TRIM65: variants seen among roughly 807,000 people sequenced by gnomAD.
TRIM65 encodes the protein E3 ubiquitin-protein ligase TRIM65.
In TRIM65, 46 loss-of-function variants were observed where a neutral mutation model predicts 36.1. That is an observed-to-expected ratio of 1.27 (90% confidence interval 1.01 to 1.63). The LOEUF is 1.63. Ranked by LOEUF, TRIM65 falls within the 40% of genes most tolerant of loss-of-function variation. The probability of loss-of-function intolerance (pLI) is 0.00; values close to 1 mark genes in which losing one functional copy is unlikely to be tolerated. For synonymous variants in TRIM65, 346 were observed against 313.6 expected (o/e 1.10, Z -1.09); for missense variants, 708 against 696.6 (o/e 1.02, Z -0.18).
In TRIM65 at chr17:75,892,868, G is replaced by A. The variant is rs569454813; in HGVS notation, c.415-18C>T. On this transcript the variant is annotated intron_variant, in intron 1 of 5. Coordinates refer to ENST00000269383, the MANE Select transcript of TRIM65 (RefSeq NM_173547.4). ...AGCTGGGCCTGTGGTGCGGGCCCACGGGACAAGCAACAAGAGAAGGCCAGG... is the reference window on the plus strand; with the variant it reads ...AGCTGGGCCTGTGGTGCGGGCCCACAGGACAAGCAACAAGAGAAGGCCAGG... 2.7e-5 allele frequency: 43 copies of A among 1,596,696 alleles called. No individual in the cohort carries two copies. The highest frequency in any genetic ancestry group is 8.9e-5 in the East Asian group (4 of 44,856).
chr17:75,890,798 TG>T lies in TRIM65; in HGVS notation c.1534del (p.Gln512ArgfsTer43). 6.7e-7 allele frequency: 1 copy of T among 1,491,468 alleles called. No individual in the cohort carries two copies. Among genetic ancestry groups the T allele is most frequent in the Non-Finnish European group, 8.9e-7 (1 of 1,121,914 alleles). 92.4% of individuals were successfully genotyped at this position (1,491,468 alleles called of 1,614,324 possible). A position where few individuals can be genotyped will look rare whatever the true frequency, so the allele number is the denominator to read the frequency against. On this transcript the variant is annotated frameshift_variant, in exon 6 of 6. Coordinates refer to ENST00000269383, the MANE Select transcript of TRIM65 (RefSeq NM_173547.4). LOFTEE classifies it high-confidence loss of function. ...CCTTCTTCAGCTGAGCACCTCTTCC[TG>T]GGGCCCCAGAGGGAACACAGCCCCT... ...QPGAVFPLGPQEEVLS is the reference protein window; with the variant it reads ...QPGAVFPLGPXEEVLS
chr17:75,887,356 C>T (rs2065215812), downstream of TRIM65, among the ~76,000 whole-genome samples: 1 of 151,088 alleles, frequency 6.6e-6, no homozygotes, highest in African/African-American at 2.4e-5. Context: ...TGGTGGTGGG[C>T]GCCTATAATC....
Position 75,890,699 on chromosome 17 carries a change from A to G in TRIM65, c.*80T>C, listed in dbSNP as rs1189252155. ...CAGAGAGGCCAACAGCTGGTCCTCC[A>G]GTCCCCAAGCTGAAGCTGGGCAGCT... is the stretch of plus-strand genomic sequence containing the variant. On this transcript the variant is annotated 3_prime_UTR_variant, in exon 6 of 6. Transcript: ENST00000269383. The G allele has an allele frequency of 3.3e-5, 42 of 1,258,464 alleles. No homozygotes were observed. In the East Asian group the frequency reaches 1.1e-3, roughly 33 times the overall value. 78.0% of individuals were successfully genotyped at this position (1,258,464 alleles called of 1,614,324 possible). A position where few individuals can be genotyped will look rare whatever the true frequency, so the allele number is the denominator to read the frequency against.
rs1379514359 is a variant in TRIM65 at position 75,894,134 on chromosome 17, C to T, written c.415-1284G>A. ...CTTCTCTGACCACTGCCTTCGTGCC[C>T]TCTCCTGTTCCAGCCACCTCTGTCT... On this transcript the variant is annotated intron_variant, in intron 1 of 5. Coordinates refer to ENST00000269383, the MANE Select transcript of TRIM65 (RefSeq NM_173547.4). Among the ~76,000 whole-genome samples, 3 of 152,138 alleles carry T rather than the reference C, an allele frequency of 2.0e-5. No individual in the cohort carries two copies. In the South Asian group the frequency reaches 6.2e-4, roughly 32 times the overall value.
chr17:75,894,643 C>T (rs2065320042), intron 1 of TRIM65, among the ~76,000 whole-genome samples: 1 of 152,252 alleles, frequency 6.6e-6, no homozygotes, highest in Admixed American at 6.5e-5. Context: ...CATTCTCCAG[C>T]CTCAGCCACC....
intron 4 of TRIM65, 57 bp downstream of exon 4, chr17:75,891,954 C>CA: frequency 6.4e-7 from 1 of 1,560,896 alleles, no homozygotes; most frequent in Non-Finnish European, 8.7e-7. Context: ...TCCACCCCCC[C>CA]AGCGGGAGGG....
intron 4 of TRIM65, among the ~76,000 whole-genome samples, chr17:75,882,993 C>A (rs61330475): frequency 0.18 from 26,415 of 146,864 alleles, 4,208 homozygotes; most frequent in African/African-American, 0.38. Context: ...AAAAAAAAAA[C>A]AAAAACAAAA....
rs1555610887 is a variant in TRIM65, at chr17:75,896,675, C to CCGGGGACGGGAT, written c.262_263insATCCCGTCCCCG (p.Pro87_Gly88insAspProValPro). On this transcript the variant is annotated inframe_insertion, in exon 1 of 6. Coordinates refer to ENST00000269383, the MANE Select transcript of TRIM65 (RefSeq NM_173547.4). The stretch of plus-strand genomic sequence containing the variant: ...GGGGCAGCGCGCGGCAGGGTCGGGG[C>CCGGGGACGGGAT]CGGGGCCGGGATCGGGGCCGGGATC... The CCGGGGACGGGAT allele has an allele frequency of 7.8e-7, 1 of 1,288,798 alleles. No individual in the cohort carries two copies. The highest frequency in any genetic ancestry group is 1.6e-5 in the African/African-American group (1 of 64,382). 79.8% of individuals were successfully genotyped at this position (1,288,798 alleles called of 1,614,324 possible). A position where few individuals can be genotyped will look rare whatever the true frequency, so the allele number is the denominator to read the frequency against.
downstream of TRIM65, among the ~76,000 whole-genome samples, chr17:75,887,194 A>G (rs936447702): frequency 6.0e-5 from 9 of 149,238 alleles, no homozygotes; most frequent in Admixed American, 5.4e-4. Flanking sequence ...AAGCAAAAAG[A>G]AAAAAAAAGC....
At chr17:75,891,591 G>A (rs1448411760) in intron 5 of TRIM65, among the ~76,000 whole-genome samples, 1 of 152,202 alleles carries the variant, frequency 6.6e-6, no homozygotes, top group African/African-American at 2.4e-5. Context: ...CCCAGACTCT[G>A]TCCTTCAACG....
At chr17:75,881,851 G>C (rs2065171361) in intron 4 of TRIM65, among the ~76,000 whole-genome samples, 1 of 150,588 alleles carries the variant, frequency 6.6e-6, no homozygotes, top group African/African-American at 2.5e-5. Flanking sequence ...AGCAGAGGGA[G>C]CCGGCCTGGG....
Position 75,890,873 on chromosome 17 carries a change from G to T in TRIM65, c.1460C>A (p.Pro487His). 6.5e-7 allele frequency: 1 copy of T among 1,529,966 alleles called. No homozygotes were observed. The highest frequency in any genetic ancestry group is 1.4e-5 in the African/African-American group (1 of 71,488). 94.8% of individuals were successfully genotyped at this position (1,529,966 alleles called of 1,614,324 possible). A position where few individuals can be genotyped will look rare whatever the true frequency, so the allele number is the denominator to read the frequency against. Reference protein sequence around the residue: ...FHALFNQPLTPVFWLLEGRTL... With the variant: ...FHALFNQPLTHVFWLLEGRTL... ...CCTACCCTCGAGGAGCCAGAAGACG[G>T]GGGTGAGGGGCTGGTTGAAGAGGGC... The change falls in exon 6 of 6, where the codon CCC becomes CAC. Residue 487 changes from proline to histidine, a missense_variant. Physicochemically the swap from Pro to His is moderately conservative, Grantham distance 77 (BLOSUM62 -2). Coordinates refer to ENST00000269383, the MANE Select transcript of TRIM65 (RefSeq NM_173547.4).
Position 75,896,713 on chromosome 17 carries a change from G to T in TRIM65, c.225C>A (p.Ala75=). The change falls in exon 1 of 6, where the codon GCC becomes GCA. Residue 75 remains alanine, a synonymous_variant. Transcript: ENST00000269383. The part of the protein sequence containing the change: ...ALSGVLEVVR[A]GPARDPGPDP... ...CGGGGCCGGGATCCCGGGCGGGCCC[G>T]GCGCGCACCACCTCCAGCACGCCGC... is the stretch of plus-strand genomic sequence containing the variant. 7.2e-7 allele frequency: 1 copy of T among 1,385,314 alleles called. No homozygotes were observed. The allele number at this position is 1,385,314 out of a possible 1,614,324, so 85.8% of individuals were successfully genotyped here.
At chr17:75,895,611 G>A (rs1010115426) in intron 1 of TRIM65, among the ~76,000 whole-genome samples, 1 of 152,158 alleles carries the variant, frequency 6.6e-6, no homozygotes, top group African/African-American at 2.4e-5. Flanking sequence ...TCTTTCTCCT[G>A]GCTTGCGCTT....
chr17:75,890,629 C>A lies in TRIM65; in HGVS notation c.*150G>T. 2 of 643,140 alleles carry A rather than the reference C, an allele frequency of 3.1e-6. No individual in the cohort carries two copies. The highest frequency in any genetic ancestry group is 5.0e-6 in the Non-Finnish European group (2 of 397,896). The allele number at this position is 643,140 out of a possible 1,614,324, so 39.8% of individuals were successfully genotyped here. A position where few individuals can be genotyped will look rare whatever the true frequency, so the allele number is the denominator to read the frequency against. ...AAAAAGGCTGCAACAGTGAACTCTG[C>A]GTTTATGCTCACCTCCCCCAACCTC... On this transcript the variant is annotated 3_prime_UTR_variant, in exon 6 of 6. Transcript: ENST00000269383.
At chr17:75,886,888 C>T (rs1174258953), downstream of TRIM65, among the ~76,000 whole-genome samples, 2 of 152,086 alleles carry the variant, frequency 1.3e-5, no homozygotes, top group Non-Finnish European at 2.9e-5. Context: ...CCTGGAGAGA[C>T]GGTGGAGAGT....
At position 75,896,928 on chromosome 17, in the gene TRIM65, G is replaced by A. The variant is rs1418928618; in HGVS notation, c.10C>T (p.Gln4Ter). 1 of 1,499,706 alleles carries A rather than the reference G, an allele frequency of 6.7e-7. No individual in the cohort carries two copies. The highest frequency in any genetic ancestry group is 2.2e-5 in the Admixed American group (1 of 46,384). 92.9% of individuals were successfully genotyped at this position (1,499,706 alleles called of 1,614,324 possible). Residue 4 changes from glutamine to a stop codon, truncating the protein, a stop_gained, in exon 1 of 6, where the codon CAG becomes TAG. Coordinates refer to ENST00000269383, the MANE Select transcript of TRIM65 (RefSeq NM_173547.4). LOFTEE classifies it high-confidence loss of function. The part of the protein sequence containing the change: MAA[Q>*]LLEEKLTCAI... ...CAGGTCAGCTTCTCCTCCAGCAGCT[G>A]CGCGGCCATGGCCCGGCGGCGGCGA...
intron 4 of TRIM65, among the ~76,000 whole-genome samples, chr17:75,882,586 T>C (rs1300086649): frequency 2.0e-5 from 3 of 150,616 alleles, no homozygotes; most frequent in African/African-American, 5.0e-5. Flanking sequence ...TCAAAATGAA[T>C]TGTCTAAGAG....
intron 2 of TRIM65, 70 bp downstream of exon 2, chr17:75,892,684 AG>A: frequency 6.9e-7 from 1 of 1,452,494 alleles, no homozygotes; most frequent in East Asian, 2.3e-5. Context: ...CTGGTGTTCC[AG>A]GGACCAGCTG....
Sources: gnomAD v4.1 joint callset for allele counts (sites outside exome capture counted in the v4.1 genomes callset) on GRCh38, gnomAD v4.1.1 for gene constraint, MANE v1.5 for transcripts, NCBI Gene and HGNC (gene_info 2026-07-23, HGNC 2026-07-21) for gene names.